Variants in SLC25A21 observed in about 807,000 individuals in gnomAD.
SLC25A21 encodes solute carrier family 25 member 21.
In SLC25A21, 47 loss-of-function variants were observed where a neutral mutation model predicts 43.8. That is an observed-to-expected ratio of 1.07 (90% CI 0.85 to 1.37). The LOEUF (loss-of-function observed/expected upper bound fraction) is 1.37, where lower values mean the gene tolerates loss of function less well. SLC25A21 is among the 40% of genes most tolerant of loss of function. The pLI, the probability that SLC25A21 is intolerant of heterozygous loss-of-function variation, is 0.00. For synonymous variants in SLC25A21, 131 were observed against 121.3 expected (o/e 1.08, Z -0.52); for missense variants, 352 against 350.2 (o/e 1.00, Z -0.04).
chr14:36,868,094 G>A (rs561697560), intron 2 of SLC25A21, among the ~76,000 whole-genome samples: 32 of 152,046 alleles, frequency 2.1e-4, no homozygotes, highest in South Asian at 1.0e-3. Context: ...AAAGGAGAGC[G>A]GAGAAAAGGA....
chr14:36,947,025 C>G (rs1219046776), intron 1 of SLC25A21, among the ~76,000 whole-genome samples: 1 of 152,186 alleles, frequency 6.6e-6, no homozygotes, highest in Non-Finnish European at 1.5e-5. Flanking sequence ...CTCCTAGACC[C>G]ACCTCATGTG....
intron 2 of SLC25A21, among the ~76,000 whole-genome samples, chr14:36,844,916 C>T (rs558955940): frequency 3.9e-5 from 6 of 152,244 alleles, no homozygotes; most frequent in East Asian, 3.9e-4. Flanking sequence ...TCTCAAGCTG[C>T]GTGGGAAGCC....
chr14:36,797,621 A>G (rs148780337), intron 3 of SLC25A21, among the ~76,000 whole-genome samples: 29 of 152,316 alleles, frequency 1.9e-4, no homozygotes, highest in Admixed American at 5.2e-4. Flanking sequence ...TCTGAACAGT[A>G]GCATCTTCCT....
At chr14:36,800,599 T>C (rs562686524) in intron 3 of SLC25A21, among the ~76,000 whole-genome samples, 101 of 152,180 alleles carry the variant, frequency 6.6e-4, no homozygotes, top group African/African-American at 2.3e-3. Context: ...AAATGGGGAA[T>C]TACTGTTTAA....
At chr14:37,126,259 A>C (rs1168022487) in intron 1 of SLC25A21, among the ~76,000 whole-genome samples, 1 of 152,152 alleles carries the variant, frequency 6.6e-6, no homozygotes, top group Non-Finnish European at 1.5e-5. Context: ...AGATTAGATC[A>C]ACAGTACAAC....
chr14:36,904,641 C>G (rs901495870), intron 1 of SLC25A21, among the ~76,000 whole-genome samples: 1 of 152,144 alleles, frequency 6.6e-6, no homozygotes, highest in Non-Finnish European at 1.5e-5. Flanking sequence ...CCTTAGAAAA[C>G]TTACAATCAT....
At chr14:37,127,584 T>C (rs1284645575) in intron 1 of SLC25A21, among the ~76,000 whole-genome samples, 3 of 152,128 alleles carry the variant, frequency 2.0e-5, no homozygotes, top group Non-Finnish European at 4.4e-5. Context: ...TGGCACAAAG[T>C]TGAAATAGGT....
chr14:36,700,535 T>C (rs905962992), intron 7 of SLC25A21, among the ~76,000 whole-genome samples: 1 of 152,190 alleles, frequency 6.6e-6, no homozygotes, highest in African/African-American at 2.4e-5. Context: ...TGTGTCCACA[T>C]ATTTGAAGAA....
At chr14:36,941,779 A>G (rs747772997) in intron 1 of SLC25A21, among the ~76,000 whole-genome samples, 1 of 152,024 alleles carries the variant, frequency 6.6e-6, no homozygotes, top group East Asian at 1.9e-4. Context: ...AGAAACTGAA[A>G]AGTATACAAT....
At chr14:36,815,199 T>TA (rs1888413446) in intron 2 of SLC25A21, among the ~76,000 whole-genome samples, 1 of 152,038 alleles carries the variant, frequency 6.6e-6, no homozygotes, top group South Asian at 2.1e-4. Flanking sequence ...GAGAAAGCAT[T>TA]AGGACAAATA....
intron 1 of SLC25A21, among the ~76,000 whole-genome samples, chr14:37,020,196 A>G (rs1325418318): frequency 1.3e-5 from 2 of 151,948 alleles, no homozygotes; most frequent in Non-Finnish European, 2.9e-5. Context: ...GTAAGTGCAG[A>G]GCTATTTGCC....
intron 3 of SLC25A21, among the ~76,000 whole-genome samples, chr14:36,744,350 A>G (rs1316608693): frequency 2.0e-5 from 3 of 152,206 alleles, no homozygotes; most frequent in Admixed American, 6.5e-5. Flanking sequence ...AGATAGATCA[A>G]TGGAACAGAA....
chr14:37,077,448 C>T (rs1018047070), intron 1 of SLC25A21, among the ~76,000 whole-genome samples: 2 of 152,016 alleles, frequency 1.3e-5, no homozygotes, highest in East Asian at 1.9e-4. Context: ...AGATTATACA[C>T]GCGGACACAA....
chr14:36,800,570 A>G (rs1272428918), intron 3 of SLC25A21, among the ~76,000 whole-genome samples: 3 of 152,142 alleles, frequency 2.0e-5, no homozygotes, highest in African/African-American at 7.2e-5. Flanking sequence ...GGAGGTTATC[A>G]GGGGCTGTGG....
chr14:37,041,918 C>T (rs372253462), intron 1 of SLC25A21, among the ~76,000 whole-genome samples: 13 of 152,236 alleles, frequency 8.5e-5, no homozygotes, highest in East Asian at 7.7e-4. Flanking sequence ...CATCTTTAAA[C>T]TAGATTAACT....
intron 4 of SLC25A21, among the ~76,000 whole-genome samples, chr14:36,731,598 TG>T (rs761756422): frequency 1.9e-4 from 29 of 152,202 alleles, no homozygotes; most frequent in Non-Finnish European, 3.5e-4. Context: ...CTCAATGCCC[TG>T]GGGCTGCTGA....
At chr14:37,032,179 T>C (rs913207636) in intron 1 of SLC25A21, among the ~76,000 whole-genome samples, 1 of 152,212 alleles carries the variant, frequency 6.6e-6, no homozygotes, top group African/African-American at 2.4e-5. Context: ...GGATTATTTT[T>C]ATGCGATAAG....
chr14:37,075,193 C>T (rs914215288), intron 1 of SLC25A21, among the ~76,000 whole-genome samples: 2 of 152,080 alleles, frequency 1.3e-5, no homozygotes, highest in Middle Eastern at 3.2e-3. Context: ...CTCGACTTAA[C>T]GTTTTCCTTC....
chr14:37,103,900 T>C (rs888282902), intron 1 of SLC25A21, among the ~76,000 whole-genome samples: 3 of 152,192 alleles, frequency 2.0e-5, no homozygotes, highest in Admixed American at 1.3e-4. Flanking sequence ...TTTCTCAGGA[T>C]ACTTGTTACC....
Sources: gnomAD v4.1 joint callset for allele counts (sites outside exome capture counted in the v4.1 genomes callset) on GRCh38, gnomAD v4.1.1 for gene constraint, MANE v1.5 for transcripts, NCBI Gene and HGNC (gene_info 2026-07-23, HGNC 2026-07-21) for gene names.